The following DROSHA variants were observed in gnomAD, a reference collection of about 807,000 sequenced individuals.
DROSHA encodes the protein ribonuclease 3.
A neutral mutation model predicts 181.9 loss-of-function variants in DROSHA; 56 were observed. The ratio of observed to expected loss-of-function variants is 0.31; its 90% confidence interval spans 0.25 to 0.38. DROSHA has a LOEUF of 0.38. Ranked by LOEUF, DROSHA falls within the 10% of genes least tolerant of loss-of-function variation. DROSHA has a pLI of 1.00. For missense variants in DROSHA, 1,218 were observed against 1,743.5 expected, an observed-to-expected ratio of 0.70 and a Z score of 5.37; for synonymous variants, 524 against 591.2, an observed-to-expected ratio of 0.89 and a Z score of 1.65.
intron 30 of DROSHA, among the ~76,000 whole-genome samples, chr5:31,418,774 G>C (rs1210571831): frequency 7.9e-5 from 12 of 152,160 alleles, no homozygotes; most frequent in African/African-American, 2.9e-4. Context: ...ATGTCTCCTA[G>C]GTTTCTGACA....
At chr5:31,508,849 A>C in intron 9 of DROSHA, 74 bp from the exon 10 acceptor site, 1 of 1,433,726 alleles carries the variant, frequency 7.0e-7, no homozygotes, top group Non-Finnish European at 9.4e-7. Flanking sequence ...CCTGAGTTGG[A>C]GTCTCGCTCT....
rs766729936 is a variant in DROSHA at position 31,466,210 on chromosome 5, G to A, written c.2438C>T (p.Thr813Ile). ...CCTCTGTGCCAGCTTCTGTTTGTCA[G>A]TTTGTTTGACTTTGGGACTATTTGC... is the stretch of plus-strand genomic sequence containing the variant. ...LLANSPKVKQ[T>I]DKQKLAQREE... The change falls in exon 19 of 36, where the codon ACT becomes ATT. Residue 813 changes from threonine (T) to isoleucine (I), a missense_variant. This residue lies in a region of DROSHA where 460 missense variants were observed against 774.2 expected (regional missense o/e 0.59). Coordinates refer to ENST00000344624, the MANE Select transcript of DROSHA (RefSeq NM_001382508.1). 2.5e-6 allele frequency: 4 copies of A among 1,613,636 alleles called. No homozygotes were observed. Among genetic ancestry groups the A allele is most frequent in the Non-Finnish European group, 3.4e-6 (4 of 1,179,736 alleles).
At chr5:31,510,716 G>A (rs1206160018) in intron 9 of DROSHA, among the ~76,000 whole-genome samples, 1 of 152,198 alleles carries the variant, frequency 6.6e-6, no homozygotes, top group South Asian at 2.1e-4. Flanking sequence ...AAGGACACCT[G>A]TCCTCATGAG....
chr5:31,491,844 G>T (rs1317536477), intron 13 of DROSHA, among the ~76,000 whole-genome samples: 1 of 152,158 alleles, frequency 6.6e-6, no homozygotes, highest in Non-Finnish European at 1.5e-5. Context: ...GCCCAGGCTG[G>T]AGTGCAGCAG....
intron 1 of DROSHA, 36 bp downstream of exon 1, chr5:31,531,946 CACTCGGAA>C (rs1741475191): frequency 5.8e-6 from 1 of 172,996 alleles, no homozygotes; most frequent in Admixed American, 5.8e-5. Flanking sequence ...TAAATCCTGA[CACTCGGAA>C]ACTCTCTTCT....
At chr5:31,511,009 C>T (rs747290773) in intron 9 of DROSHA, 26 bp downstream of exon 9, 1 of 1,613,126 alleles carries the variant, frequency 6.2e-7, no homozygotes, top group South Asian at 1.1e-5. Context: ...GCAAGGGTCT[C>T]AGGCTAGTTA....
At chr5:31,483,713 T>C in intron 15 of DROSHA, 85 bp from the exon 16 acceptor site, 1 of 1,334,570 alleles carries the variant, frequency 7.5e-7, no homozygotes, top group Non-Finnish European at 1.0e-6. Context: ...CTAAGATTTA[T>C]GATAACCACA....
At chr5:31,455,960 C>G (rs1339107059) in intron 20 of DROSHA, among the ~76,000 whole-genome samples, 1 of 152,012 alleles carries the variant, frequency 6.6e-6, no homozygotes, top group East Asian at 1.9e-4. Context: ...ATACTTTTGA[C>G]AGCAATGTTT....
chr5:31,405,375 CA>C (rs554435489), intron 35 of DROSHA, among the ~76,000 whole-genome samples: 409 of 119,688 alleles, frequency 3.4e-3, no homozygotes, highest in Non-Finnish European at 3.2e-3. Flanking sequence ...AACTCCATCT[CA>C]AAAAAAAAAA....
At chr5:31,497,919 T>G (rs781065971) in intron 11 of DROSHA, among the ~76,000 whole-genome samples, 3 of 152,214 alleles carry the variant, frequency 2.0e-5, no homozygotes, top group Non-Finnish European at 4.4e-5. Flanking sequence ...AGGCCAGATA[T>G]AGCCAGGGAC....
chr5:31,515,091 A>G lies in DROSHA; in HGVS notation c.1187T>C (p.Met396Thr), dbSNP rs756235239. 4 of 1,613,856 alleles carry G rather than the reference A, an allele frequency of 2.5e-6. No individual in the cohort carries two copies. The Admixed American group carries it at 6.7e-5, about 27-fold the overall frequency. ...TTCTTCCTCCTCATTCTTGTCAGGC[A>G]TGGTCTCCTCGGGCTCTTTTTCCTT... The part of the protein sequence containing the change: ...SIKEKEPEET[M>T]PDKNEEEEEE... Residue 396 changes from methionine (M) to threonine (T), a missense_variant, in exon 8 of 36, where the codon ATG becomes ACG. Transcript: ENST00000344624.
intron 30 of DROSHA, among the ~76,000 whole-genome samples, chr5:31,419,839 T>C (rs1220271841): frequency 1.3e-5 from 2 of 152,206 alleles, no homozygotes; most frequent in Non-Finnish European, 2.9e-5. Flanking sequence ...ATGCAATTTA[T>C]TGTTTTTCTA....
intron 20 of DROSHA, among the ~76,000 whole-genome samples, chr5:31,457,655 C>T (rs474699): frequency 0.1 from 15,178 of 151,924 alleles, 1,423 homozygotes; most frequent in African/African-American, 0.23. Flanking sequence ...TCTGGGTGGC[C>T]GAGGCAAGAG....
Position 31,421,883 on chromosome 5 carries a change from A to AAC in DROSHA, c.3420-507_3420-506insGT, listed in dbSNP as rs1561132716. The AAC allele has an allele frequency of 2.7e-4, 23 of 85,420 alleles. 2 individuals are homozygous for AAC. Among genetic ancestry groups the AAC allele is most frequent in the African/African-American group, 8.7e-4 (20 of 22,904 alleles). 5.3% of individuals were successfully genotyped at this position (85,420 alleles called of 1,614,324 possible). A position where few individuals can be genotyped will look rare whatever the true frequency, so the allele number is the denominator to read the frequency against. ...AACCCCATCTCTACAAAAAAAAAAA[A>AAC]AAAAAAAAAAAATATATATATATAA... On this transcript the variant is annotated intron_variant, in intron 29 of 35. Coordinates refer to ENST00000344624, the MANE Select transcript of DROSHA (RefSeq NM_001382508.1).
chr5:31,435,162 T>C (rs1445534575), intron 25 of DROSHA, among the ~76,000 whole-genome samples: 1 of 152,220 alleles, frequency 6.6e-6, no homozygotes, highest in Non-Finnish European at 1.5e-5. Flanking sequence ...TGATTTATTA[T>C]AATAAGACAT....
chr5:31,406,533 G>A (rs962488090), intron 34 of DROSHA, among the ~76,000 whole-genome samples: 1 of 152,014 alleles, frequency 6.6e-6, no homozygotes, highest in Non-Finnish European at 1.5e-5. Flanking sequence ...TGTCATGTGC[G>A]ACATGACACA....
chr5:31,460,518 T>A (rs1748284230), intron 20 of DROSHA, among the ~76,000 whole-genome samples: 1 of 152,126 alleles, frequency 6.6e-6, no homozygotes, highest in African/African-American at 2.4e-5. Flanking sequence ...CCAGATAGCA[T>A]CTCAAGGCTT....
intron 35 of DROSHA, among the ~76,000 whole-genome samples, chr5:31,403,256 T>A (rs1244414288): frequency 2.0e-5 from 3 of 152,198 alleles, no homozygotes; most frequent in Admixed American, 2.0e-4. Context: ...TGAACTCTAT[T>A]TCCGGAATAA....
chr5:31,471,806 T>A (rs1415967357), intron 17 of DROSHA, among the ~76,000 whole-genome samples: 1 of 152,182 alleles, frequency 6.6e-6, no homozygotes, highest in Non-Finnish European at 1.5e-5. Flanking sequence ...GAAAGCAATC[T>A]GCAACATGCG....
Sources: allele counts gnomAD v4.1 joint callset (sites outside exome capture counted in the v4.1 genomes callset), GRCh38; gene constraint gnomAD v4.1.1; regional missense constraint gnomAD v4.1.1; transcripts MANE v1.5; gene names NCBI Gene and HGNC (gene_info 2026-07-23, HGNC 2026-07-21).